The following KHDRBS3 variants were observed in gnomAD, a reference collection of about 807,000 sequenced individuals.
The protein encoded by KHDRBS3 is KH RNA binding domain containing, signal transduction associated 3, also known as KH domain-containing, RNA-binding, signal transduction-associated protein 3.
Under a neutral mutation model 45.6 loss-of-function variants are expected in KHDRBS3, and 23 were observed. The ratio of observed to expected loss-of-function variants is 0.50; its 90% confidence interval spans 0.36 to 0.72. The LOEUF (loss-of-function observed/expected upper bound fraction) is 0.72, where lower values mean the gene tolerates loss of function less well. KHDRBS3 is among the 30% of genes least tolerant of loss of function. The probability of loss-of-function intolerance (pLI) is 0.00; values close to 1 mark genes in which losing one functional copy is unlikely to be tolerated. For synonymous variants in KHDRBS3, 162 were observed against 156.5 expected, an observed-to-expected ratio of 1.04 and a Z score of -0.26; for missense variants, 352 against 424.8, an observed-to-expected ratio of 0.83 and a Z score of 1.51.
chr8:135,614,076 T>C (rs1345744176), intron 7 of KHDRBS3, among the ~76,000 whole-genome samples: 1 of 151,964 alleles, frequency 6.6e-6, no homozygotes, highest in Admixed American at 6.5e-5. Context: ...TTGATAATGC[T>C]AACATTACAG....
At chr8:135,470,180 A>C (rs1306257245) in intron 1 of KHDRBS3, among the ~76,000 whole-genome samples, 1 of 152,150 alleles carries the variant, frequency 6.6e-6, no homozygotes, top group African/African-American at 2.4e-5. Context: ...TCACAAAACA[A>C]TCCTTGGATC....
At chr8:135,646,911 C>A in intron 8 of KHDRBS3, 82 bp from the exon 9 acceptor site, 1 of 782,588 alleles carries the variant, frequency 1.3e-6, no homozygotes, top group Non-Finnish European at 2.3e-6. Flanking sequence ...ACCTTTGGTT[C>A]AGGGCTAAGT....
At chr8:135,597,763 A>G (rs1299826929) in intron 6 of KHDRBS3, among the ~76,000 whole-genome samples, 4 of 152,212 alleles carry the variant, frequency 2.6e-5, no homozygotes, top group African/African-American at 9.6e-5. Flanking sequence ...AATCTGTAGC[A>G]TGATGCAAGG....
chr8:135,560,307 G>A (rs969203409), intron 5 of KHDRBS3, among the ~76,000 whole-genome samples: 1 of 152,008 alleles, frequency 6.6e-6, no homozygotes, highest in Non-Finnish European at 1.5e-5. Context: ...GTAGTACACA[G>A]AAAAGTGCAT....
At chr8:135,653,553 A>G (rs1442840403) in intron 4 of KHDRBS3, among the ~76,000 whole-genome samples, 1 of 152,218 alleles carries the variant, frequency 6.6e-6, no homozygotes, top group Admixed American at 6.5e-5. Context: ...TACTCTTGCC[A>G]TGCCAGGCAA....
In KHDRBS3 at chr8:135,647,423, A is replaced by T. The variant is rs1456231630; in HGVS notation, c.*339A>T. 6.1e-6 allele frequency: 1 copy of T among 163,808 alleles called. No homozygotes were observed. The highest frequency in any genetic ancestry group is 1.3e-5 in the Non-Finnish European group (1 of 75,744). The allele number at this position is 163,808 out of a possible 1,614,324, so 10.1% of individuals were successfully genotyped here. ...CTCACCTTTCATTTTAAAGGTTTCC[A>T]TAGAATTTAGTTATTTTATCTTTCA... On this transcript the variant is annotated 3_prime_UTR_variant, in exon 9 of 9. Coordinates refer to ENST00000355849, the MANE Select transcript of KHDRBS3 (RefSeq NM_006558.3).
chr8:135,540,378 G>A (rs1357048594), intron 2 of KHDRBS3: 1 of 152,192 alleles, frequency 6.6e-6, no homozygotes, highest in Non-Finnish European at 1.5e-5. Flanking sequence ...TGTAAAGGTG[G>A]ATTTATGGAT....
At chr8:135,605,662 AG>A (rs1226568875) in intron 6 of KHDRBS3, among the ~76,000 whole-genome samples, 1 of 152,204 alleles carries the variant, frequency 6.6e-6, no homozygotes, top group African/African-American at 2.4e-5. Context: ...ATATTTGAAA[AG>A]TTGGTTCTCC....
At chr8:135,638,945 G>A (rs1410039265) in intron 7 of KHDRBS3, among the ~76,000 whole-genome samples, 1 of 149,268 alleles carries the variant, frequency 6.7e-6, no homozygotes, top group Admixed American at 6.7e-5. Flanking sequence ...TGGAAACAGA[G>A]CGAGAGAGTG....
chr8:135,467,101 A>G (rs556737915), intron 1 of KHDRBS3, among the ~76,000 whole-genome samples: 2 of 152,348 alleles, frequency 1.3e-5, no homozygotes. Flanking sequence ...TACCCCATAA[A>G]CATGTACACC....
At chr8:135,475,026 C>T (rs1822203534) in intron 1 of KHDRBS3, among the ~76,000 whole-genome samples, 1 of 152,202 alleles carries the variant, frequency 6.6e-6, no homozygotes, top group African/African-American at 2.4e-5. Context: ...TCTGCCATTT[C>T]TCCGCTCCTC....
chr8:135,588,354 G>T (rs1294865510), intron 6 of KHDRBS3, among the ~76,000 whole-genome samples: 1 of 152,158 alleles, frequency 6.6e-6, no homozygotes, highest in Non-Finnish European at 1.5e-5. Flanking sequence ...CCCTCTCCAG[G>T]CAGCCACCCT....
intron 1 of KHDRBS3, among the ~76,000 whole-genome samples, chr8:135,509,973 C>CT (rs1326914089): frequency 5.7e-5 from 8 of 141,514 alleles, no homozygotes; most frequent in African/African-American, 2.0e-4. Flanking sequence ...TTTCCCCCCC[C>CT]CTTTTTTTTT....
At chr8:135,609,242 C>CA (rs368666495) in intron 7 of KHDRBS3, among the ~76,000 whole-genome samples, 36 of 151,768 alleles carry the variant, frequency 2.4e-4, no homozygotes, top group South Asian at 2.1e-4. Flanking sequence ...TACAGCTGTA[C>CA]AAATACATTT....
At chr8:135,599,848 C>A (rs1165117203) in intron 6 of KHDRBS3, among the ~76,000 whole-genome samples, 1 of 152,220 alleles carries the variant, frequency 6.6e-6, no homozygotes, top group Admixed American at 6.5e-5. Flanking sequence ...GGAGGAATTG[C>A]GGGTGAAATG....
intron 1 of KHDRBS3, among the ~76,000 whole-genome samples, chr8:135,513,400 A>G (rs892467733): frequency 6.6e-6 from 1 of 152,166 alleles, no homozygotes; most frequent in Admixed American, 6.5e-5. Context: ...TTTAATCCTC[A>G]TAAAAACCCT....
intron 7 of KHDRBS3, chr8:135,625,094 A>G: frequency 2.9e-6 from 2 of 698,062 alleles, no homozygotes; most frequent in Middle Eastern, 7.6e-4. Context: ...GAAACCAGTG[A>G]GTCCTCTAAG....
rs747557741 is a variant in KHDRBS3, at chr8:135,521,247, G to A, written c.99G>A (p.Lys33=). The change falls in exon 2 of 9, where the codon AAG becomes AAA. Residue 33 remains lysine, a synonymous_variant. Transcript: ENST00000355849. ...TTTTTGCCTCCACAGAAATAGAAAA[G>A]TTTCAAAAAGGAGAAGGCAAGGATG... is the stretch of plus-strand genomic sequence containing the variant. ...ALRLVNQEIE[K]FQKGEGKDEE... is the part of the protein sequence containing the mutation. 2.3e-5 allele frequency: 37 copies of A among 1,607,638 alleles called. No homozygotes were observed. The highest frequency in any genetic ancestry group is 8.5e-7 in the Non-Finnish European group (1 of 1,174,516).
At chr8:135,607,457 C>T (rs1480827631) in intron 7 of KHDRBS3, among the ~76,000 whole-genome samples, 1 of 152,126 alleles carries the variant, frequency 6.6e-6, no homozygotes, top group Non-Finnish European at 1.5e-5. Flanking sequence ...TAAGTAGCAG[C>T]CTCTCCTGTT....
Sources: allele counts gnomAD v4.1 joint callset (sites outside exome capture counted in the v4.1 genomes callset), GRCh38; gene constraint gnomAD v4.1.1; transcripts MANE v1.5; gene names NCBI Gene and HGNC (gene_info 2026-07-23, HGNC 2026-07-21).